CAMK2B: variants seen among roughly 807,000 people sequenced by gnomAD.
CAMK2B encodes the protein calcium/calmodulin-dependent protein kinase type II subunit beta.
A neutral mutation model predicts 93.7 loss-of-function variants in CAMK2B; 27 were observed. That is an observed-to-expected ratio of 0.29 (90% CI 0.21 to 0.40). The LOEUF is 0.40. Ranked by LOEUF, CAMK2B falls within the 10% of genes least tolerant of loss-of-function variation. The pLI, the probability that CAMK2B is intolerant of heterozygous loss-of-function variation, is 1.00. For missense variants in CAMK2B, 568 were observed against 895.8 expected, an observed-to-expected ratio of 0.63 and a Z score of 4.67; for synonymous variants, 374 against 358.8, an observed-to-expected ratio of 1.04 and a Z score of -0.48.
At chr7:44,305,465 A>G (rs1259838378) in intron 1 of CAMK2B, among the ~76,000 whole-genome samples, 1 of 152,250 alleles carries the variant, frequency 6.6e-6, no homozygotes, top group Non-Finnish European at 1.5e-5. Context: ...ACTGGGTGGC[A>G]GAGCAAGCCC....
chr7:44,298,146 C>T (rs535922464), intron 1 of CAMK2B, among the ~76,000 whole-genome samples: 5 of 148,756 alleles, frequency 3.4e-5, no homozygotes, highest in African/African-American at 9.7e-5. Flanking sequence ...AAACAAAAAA[C>T]CCAATACAAA....
At position 44,226,585 on chromosome 7, in the gene CAMK2B, C is replaced by G. The variant is rs35452727; in HGVS notation, c.1528G>C (p.Glu510Gln). 1 of 1,497,846 alleles carries G rather than the reference C, an allele frequency of 6.7e-7. No individual in the cohort carries two copies. The highest frequency in any genetic ancestry group is 8.8e-7 in the Non-Finnish European group (1 of 1,132,302). 92.8% of individuals were successfully genotyped at this position (1,497,846 alleles called of 1,614,324 possible). ...VRRGSGTPEA[E>Q]GPSPVGPPPC... is the part of the protein sequence containing the mutation. ...GGGGGCCCCACTGGCGAGGGGCCCTCGGCTTCTGGGGTCCCTGAGCCCCTC... is the reference window on the plus strand; with the variant it reads ...GGGGGCCCCACTGGCGAGGGGCCCTGGGCTTCTGGGGTCCCTGAGCCCCTC... The change falls in exon 20 of 24, where the codon GAG becomes CAG. Residue 510 changes from glutamate to glutamine, a missense_variant. Transcript: ENST00000395749.
rs542183208 is a variant in CAMK2B, at chr7:44,286,229, C to T, written c.66-2004G>A. 1.1e-4 allele frequency among the ~76,000 whole-genome samples: 16 copies of T among 152,206 alleles called. No homozygotes were observed. Among genetic ancestry groups the T allele is most frequent in the African/African-American group, 3.9e-4 (16 of 41,538 alleles). On this transcript the variant is annotated intron_variant, in intron 1 of 23. Coordinates refer to ENST00000395749, the MANE Select transcript of CAMK2B (RefSeq NM_001220.5). The surrounding 1 kb of genome is among the most constrained non-coding windows in gnomAD (Gnocchi z 4.0). Reference sequence around the variant, plus strand: ...AGGTAAGAGCTTCCCGAAACCAGTCCTGAGCTACCATCTGTCACGCTCTGA... The same window carrying T: ...AGGTAAGAGCTTCCCGAAACCAGTCTTGAGCTACCATCTGTCACGCTCTGA...
chr7:44,282,057 T>C (rs1213717650), intron 2 of CAMK2B, among the ~76,000 whole-genome samples: 1 of 152,198 alleles, frequency 6.6e-6, no homozygotes, highest in Non-Finnish European at 1.5e-5. Flanking sequence ...TACACATGCA[T>C]GTGCACGTAG....
intron 14 of CAMK2B, 82 bp from the exon 15 acceptor site, chr7:44,234,543 G>C: frequency 2.5e-6 from 4 of 1,590,902 alleles, no homozygotes; most frequent in Middle Eastern, 1.7e-4. Context: ...TCAGGGCATG[G>C]GGGGAGGGGG....
chr7:44,288,022 G>A (rs1785612730), intron 1 of CAMK2B, among the ~76,000 whole-genome samples: 1 of 152,242 alleles, frequency 6.6e-6, no homozygotes, highest in Admixed American at 6.5e-5. Flanking sequence ...TGTGGAGCAT[G>A]GAGTTGCTGG....
intron 1 of CAMK2B, among the ~76,000 whole-genome samples, chr7:44,304,939 G>T (rs1791050919): frequency 6.6e-6 from 1 of 152,034 alleles, no homozygotes; most frequent in African/African-American, 2.4e-5. Flanking sequence ...ATTGTAAAGA[G>T]AAAAAAATTG....
chr7:44,227,857 GAAAGAGGGGAA>G (rs2096533488), intron 19 of CAMK2B, among the ~76,000 whole-genome samples: 1 of 122,176 alleles, frequency 8.2e-6, no homozygotes, highest in Non-Finnish European at 1.8e-5. Context: ...GGAAATGAGG[GAAAGAGGGGAA>G]TTTGGGGGAC....
chr7:44,287,007 C>T (rs1785316644), intron 1 of CAMK2B, among the ~76,000 whole-genome samples: 1 of 152,134 alleles, frequency 6.6e-6, no homozygotes, highest in Non-Finnish European at 1.5e-5. Context: ...GAAGGCCCTG[C>T]TCTTGGACAC....
chr7:44,249,470 A>G (rs1012326133), intron 5 of CAMK2B, among the ~76,000 whole-genome samples: 1 of 152,194 alleles, frequency 6.6e-6, no homozygotes, highest in African/African-American at 2.4e-5. Context: ...GGACGGTAGC[A>G]GTGCTGACCA....
intron 2 of CAMK2B, among the ~76,000 whole-genome samples, chr7:44,280,269 T>G (rs1313403262): frequency 1.3e-5 from 2 of 152,188 alleles, no homozygotes; most frequent in East Asian, 3.9e-4. Context: ...CTGCCCTGCA[T>G]GGGCCCACAG....
intron 1 of CAMK2B, among the ~76,000 whole-genome samples, chr7:44,290,301 G>T (rs749619424): frequency 2.6e-5 from 4 of 152,240 alleles, no homozygotes; most frequent in Non-Finnish European, 5.9e-5. Context: ...TTTTGCGTCT[G>T]ACGCTCCCCA....
rs532293979 is a variant in CAMK2B at position 44,284,587 on chromosome 7, G to A, written c.66-362C>T. Among the ~76,000 whole-genome samples, 73 of 152,336 alleles carry A rather than the reference G, an allele frequency of 4.8e-4. 1 individual carries two copies. Among genetic ancestry groups the A allele is most frequent in the African/African-American group, 1.7e-3 (70 of 41,588 alleles). On this transcript the variant is annotated intron_variant, in intron 1 of 23. Transcript: ENST00000395749. ...CTACAGGCCTGTATCCTTGTGGGTC[G>A]GCTGGACCAAGAGTCCATGTCCACA...
At chr7:44,240,629 G>T in intron 12 of CAMK2B, 78 bp downstream of exon 12, 1 of 1,490,634 alleles carries the variant, frequency 6.7e-7, no homozygotes, top group Non-Finnish European at 9.3e-7. Flanking sequence ...TGGAGAGGCT[G>T]GTGAGGAAGG....
At position 44,225,922 on chromosome 7, in the gene CAMK2B, C is replaced by T; in HGVS notation, c.1597+594G>A. On this transcript the variant is annotated intron_variant, in intron 20 of 23. Transcript: ENST00000395749. The surrounding 1 kb of genome is among the most constrained non-coding windows in gnomAD (Gnocchi z 5.0). ...AGTGATACTGCGGGTAGTCGGCAGA[C>T]AGACCGGGAGGTGGCCCAGCCTGGC... 1.6e-6 allele frequency: 2 copies of T among 1,281,228 alleles called. No homozygotes were observed. The highest frequency in any genetic ancestry group is 1.5e-5 in the African/African-American group (1 of 65,840). The allele number at this position is 1,281,228 out of a possible 1,614,324, so 79.4% of individuals were successfully genotyped here. A position where few individuals can be genotyped will look rare whatever the true frequency, so the allele number is the denominator to read the frequency against.
chr7:44,273,901 C>T (rs1001100640), intron 2 of CAMK2B, among the ~76,000 whole-genome samples: 2 of 152,058 alleles, frequency 1.3e-5, no homozygotes, highest in African/African-American at 4.8e-5. Context: ...GAGCACAGCC[C>T]GAGGCCAGGG....
At chr7:44,253,930 A>G (rs1165641069) in intron 5 of CAMK2B, among the ~76,000 whole-genome samples, 1 of 147,506 alleles carries the variant, frequency 6.8e-6, no homozygotes, top group Admixed American at 6.8e-5. Context: ...TTAAATACAC[A>G]TCTCTGTGGC....
At chr7:44,309,524 T>C (rs1320390326) in intron 1 of CAMK2B, among the ~76,000 whole-genome samples, 1 of 152,064 alleles carries the variant, frequency 6.6e-6, no homozygotes, top group Non-Finnish European at 1.5e-5. Flanking sequence ...GTCGCGCCCC[T>C]AAGCACAGGG....
chr7:44,308,561 A>T (rs1359956104), intron 1 of CAMK2B, among the ~76,000 whole-genome samples: 1 of 151,836 alleles, frequency 6.6e-6, no homozygotes, highest in Non-Finnish European at 1.5e-5. Flanking sequence ...TCAGAACCAC[A>T]CTGCTGCCCT....
Sources: gnomAD v4.1 joint callset for allele counts (sites outside exome capture counted in the v4.1 genomes callset) on GRCh38, gnomAD v4.1.1 for gene constraint, Gnocchi (gnomAD v3.1) non-coding constraint, MANE v1.5 for transcripts, NCBI Gene and HGNC (gene_info 2026-07-23, HGNC 2026-07-21) for gene names.